The following RNF150 variants were observed in gnomAD, a reference collection of about 807,000 sequenced individuals.
RNF150 encodes ring finger protein 150.
Under a neutral mutation model 39.3 loss-of-function variants are expected in RNF150, and 24 were observed. The ratio of observed to expected loss-of-function variants is 0.61; its 90% CI spans 0.44 to 0.86. RNF150 has a LOEUF of 0.86. Among genes scored for constraint, RNF150 ranks in the 40% least tolerant of loss-of-function variants. The probability of loss-of-function intolerance (pLI) is 0.00; values close to 1 mark genes in which losing one functional copy is unlikely to be tolerated. For missense variants in RNF150, 502 were observed against 587.8 expected, an observed-to-expected ratio of 0.85 and a Z score of 1.51; for synonymous variants, 255 against 227.3, an observed-to-expected ratio of 1.12 and a Z score of -1.10.
rs146228651 is a variant in RNF150, at chr4:141,075,355, G to C, written c.484+56970C>G. 2.3e-3 allele frequency among the ~76,000 whole-genome samples: 355 copies of C among 152,206 alleles called. 2 individuals carry two copies. The highest frequency in any genetic ancestry group is 0.017 in the Middle Eastern group (5 of 294). On this transcript the variant is annotated intron_variant, in intron 1 of 6. Transcript: ENST00000515673. ...TCCTCAGGCAGGTCCATACTTTGCT[G>C]ACCCTTGGTCTACACCAAAGTTGGC...
intron 1 of RNF150, among the ~76,000 whole-genome samples, chr4:141,131,057 AT>A (rs1726880713): frequency 6.6e-6 from 1 of 152,122 alleles, no homozygotes; most frequent in African/African-American, 2.4e-5. Flanking sequence ...AGGTTGACAA[AT>A]TTCCCTGACT....
At chr4:140,951,197 T>G (rs1732525758) in intron 2 of RNF150, among the ~76,000 whole-genome samples, 2 of 152,164 alleles carry the variant, frequency 1.3e-5, no homozygotes, top group Admixed American at 6.5e-5. Context: ...CGTTTGACAT[T>G]TGAAATTTGT....
chr4:141,047,452 G>A (rs530145187), intron 1 of RNF150, among the ~76,000 whole-genome samples: 10 of 152,178 alleles, frequency 6.6e-5, no homozygotes, highest in East Asian at 5.8e-4. Flanking sequence ...AAAGACAGAC[G>A]CACACACAGA....
intron 1 of RNF150, among the ~76,000 whole-genome samples, chr4:141,131,058 T>A: frequency 1.3e-5 from 2 of 152,288 alleles, no homozygotes; most frequent in South Asian, 4.1e-4. Flanking sequence ...GGTTGACAAA[T>A]TTCCCTGACT....
At chr4:141,117,611 C>T (rs1273512262) in intron 1 of RNF150, among the ~76,000 whole-genome samples, 1 of 152,168 alleles carries the variant, frequency 6.6e-6, no homozygotes, top group Non-Finnish European at 1.5e-5. Context: ...AATAAAATTG[C>T]CTGATGATAC....
At chr4:141,201,296 G>A (rs983668295) in intron 1 of RNF150, among the ~76,000 whole-genome samples, 3 of 152,118 alleles carry the variant, frequency 2.0e-5, no homozygotes, top group Admixed American at 6.6e-5. Context: ...GTTTGGTTAT[G>A]AAGCATTTTC....
chr4:140,924,111 T>G (rs1342033503), intron 5 of RNF150, among the ~76,000 whole-genome samples: 1 of 152,078 alleles, frequency 6.6e-6, no homozygotes, highest in Non-Finnish European at 1.5e-5. Context: ...TCCTAAAACT[T>G]AAAGTATAAT....
chr4:141,153,756 G>A (rs1321633266), intron 1 of RNF150, among the ~76,000 whole-genome samples: 1 of 152,132 alleles, frequency 6.6e-6, no homozygotes, highest in Non-Finnish European at 1.5e-5. Flanking sequence ...CAACTAGATT[G>A]TGGGACCACA....
At chr4:141,078,967 A>G (rs544011437) in intron 1 of RNF150, among the ~76,000 whole-genome samples, 10 of 151,674 alleles carry the variant, frequency 6.6e-5, no homozygotes, top group Admixed American at 3.3e-4. Flanking sequence ...ATATATGTTT[A>G]TAAGAAAGCC....
chr4:141,169,874 G>A lies in RNF150; in HGVS notation c.-6+42920C>T, dbSNP rs73849853. Reference sequence around the variant, plus strand: ...TAACACATTTTTTTCTAATCTCTTTGATCTCAGAGGTCCTCACCTCCTAAA... The same window carrying A: ...TAACACATTTTTTTCTAATCTCTTTAATCTCAGAGGTCCTCACCTCCTAAA... On this transcript the variant is annotated intron_variant, in intron 1 of 7. Coordinates refer to the RNF150 transcript ENST00000420921. 2.4e-3 allele frequency among the ~76,000 whole-genome samples: 366 copies of A among 151,432 alleles called. 3 individuals carry two copies. Among genetic ancestry groups the A allele is most frequent in the African/African-American group, 8.7e-3 (357 of 41,238 alleles).
intron 1 of RNF150, among the ~76,000 whole-genome samples, chr4:141,127,165 T>C (rs565725381): frequency 3.9e-5 from 6 of 152,326 alleles, no homozygotes; most frequent in African/African-American, 7.2e-5. Flanking sequence ...TACCACTTAC[T>C]GTCTGTGTGA....
At chr4:140,879,720 G>A (rs1055005892) in intron 6 of RNF150, among the ~76,000 whole-genome samples, 8 of 152,066 alleles carry the variant, frequency 5.3e-5, no homozygotes, top group African/African-American at 1.4e-4. Context: ...TATTTGGGAG[G>A]CTAAGCTGGC....
At chr4:141,189,819 T>A (rs1328821699) in intron 1 of RNF150, among the ~76,000 whole-genome samples, 1 of 152,172 alleles carries the variant, frequency 6.6e-6, no homozygotes, top group African/African-American at 2.4e-5. Context: ...TGCCAGTGGA[T>A]CTTAGTTTCC....
At chr4:141,018,185 A>T (rs1220087194) in intron 1 of RNF150, among the ~76,000 whole-genome samples, 1 of 152,200 alleles carries the variant, frequency 6.6e-6, no homozygotes, top group African/African-American at 2.4e-5. Flanking sequence ...TTCTTTAAAC[A>T]TCTCTCTTAT....
At chr4:141,161,819 G>A (rs1223106419) in intron 1 of RNF150, among the ~76,000 whole-genome samples, 1 of 152,224 alleles carries the variant, frequency 6.6e-6, no homozygotes, top group African/African-American at 2.4e-5. Flanking sequence ...TCCATGTGGT[G>A]TTAAGCCTGT....
intron 1 of RNF150, among the ~76,000 whole-genome samples, chr4:141,066,833 T>C (rs575612552): frequency 1.3e-5 from 2 of 152,334 alleles, no homozygotes; most frequent in Non-Finnish European, 1.5e-5. Context: ...TTAACAGGGC[T>C]ATATTTTGAG....
At chr4:141,055,963 C>T (rs1425512482) in intron 1 of RNF150, among the ~76,000 whole-genome samples, 1 of 152,086 alleles carries the variant, frequency 6.6e-6, no homozygotes, top group African/African-American at 2.4e-5. Flanking sequence ...TTATTAAATA[C>T]CTATGGGCTA....
intron 1 of RNF150, among the ~76,000 whole-genome samples, chr4:141,057,293 A>T (rs1560713499): frequency 6.6e-6 from 1 of 151,880 alleles, no homozygotes; most frequent in Admixed American, 6.6e-5. Flanking sequence ...TATATTTTAC[A>T]TAATTAAAAT....
intron 5 of RNF150, among the ~76,000 whole-genome samples, chr4:140,922,085 A>T (rs1176667744): frequency 3.3e-5 from 5 of 151,534 alleles, no homozygotes; most frequent in South Asian, 2.1e-4. Flanking sequence ...CTCTCACCAC[A>T]CCTATTCAAC....
Sources: gnomAD v4.1 joint callset for allele counts (sites outside exome capture counted in the v4.1 genomes callset) on GRCh38, gnomAD v4.1.1 for gene constraint, MANE v1.5 for transcripts, NCBI Gene and HGNC (gene_info 2026-07-23, HGNC 2026-07-21) for gene names.